COL4A5: variants seen among roughly 807,000 people sequenced by gnomAD.
COL4A5 encodes collagen alpha-5(IV) chain.
COL4A5 carries 26 observed loss-of-function variants against 130.2 expected under a neutral mutation model. The ratio of observed to expected loss-of-function variants is 0.20; its 90% CI spans 0.15 to 0.28. The LOEUF (loss-of-function observed/expected upper bound fraction) is 0.28. COL4A5 is among the 10% of genes least tolerant of loss of function. The probability of loss-of-function intolerance (pLI) is 1.00; values close to 1 mark genes in which losing one functional copy is unlikely to be tolerated. For synonymous variants in COL4A5, 496 were observed against 439.6 expected (o/e 1.13, Z -1.60); for missense variants, 1,131 against 1,344.3 (o/e 0.84, Z 2.48).
chrX:108,525,051 TTC>T (rs1298921333), intron 1 of COL4A5, among the ~76,000 whole-genome samples: 1 of 112,033 alleles, frequency 8.9e-6, no homozygotes, highest in East Asian at 2.8e-4. Flanking sequence ...CTTGTTGATC[TTC>T]TGTCTCTCAC....
intron 1 of COL4A5, among the ~76,000 whole-genome samples, chrX:108,478,660 C>T (rs2064859923): frequency 8.9e-6 from 1 of 111,861 alleles, no homozygotes; most frequent in South Asian, 3.8e-4. Context: ...ATTCCATGAC[C>T]ATGAGCCCAC....
In COL4A5 at chrX:108,680,972, G is replaced by A. The variant is rs1314507308; in HGVS notation, c.4087+16G>A. ...GGTCCTCCAGGTAAGACTTATTCCT[G>A]AAGATAGTTATACCTGATACTTAGA... On this transcript the variant is annotated intron_variant, in intron 46 of 52. Transcript: ENST00000328300. The A allele has an allele frequency of 1.7e-6, 2 of 1,169,709 alleles. No individual in the cohort carries two copies. The highest frequency in any genetic ancestry group is 1.8e-5 in the South Asian group (1 of 55,895).
intron 1 of COL4A5, among the ~76,000 whole-genome samples, chrX:108,453,079 G>A (rs185822372): frequency 6.3e-5 from 7 of 111,556 alleles, no homozygotes; most frequent in African/African-American, 2.3e-4. Flanking sequence ...ATCTATTGAG[G>A]TAATTATGTG....
chrX:108,557,916 G>A (rs111278299), intron 2 of COL4A5, among the ~76,000 whole-genome samples: 129 of 109,880 alleles, frequency 1.2e-3, no homozygotes, highest in African/African-American at 3.8e-3. Flanking sequence ...TGTCCTTCGG[G>A]GTTCTTTTAT....
At chrX:108,520,580 A>G (rs191558045) in intron 1 of COL4A5, among the ~76,000 whole-genome samples, 2 of 111,693 alleles carry the variant, frequency 1.8e-5, no homozygotes, top group Admixed American at 9.5e-5. Flanking sequence ...CAAACCTTTT[A>G]TCATTCTGAA....
In COL4A5 at chrX:108,591,260, C is replaced by A. The variant is rs776954729; in HGVS notation, c.1339+29C>A. On this transcript the variant is annotated intron_variant, in intron 20 of 52. Transcript: ENST00000328300. ...AGCTATATTTTTCTCCTATTAAGTTCTATTTTTGTTTTTGTTTATTTTGTT... is the reference window on the plus strand; with the variant it reads ...AGCTATATTTTTCTCCTATTAAGTTATATTTTTGTTTTTGTTTATTTTGTT... The A allele has an allele frequency of 1.1e-5, 13 of 1,181,585 alleles. No individual in the cohort carries two copies. In the African/African-American group the frequency reaches 1.8e-4, roughly 16 times the overall value.
intron 1 of COL4A5, among the ~76,000 whole-genome samples, chrX:108,537,028 T>C (rs2065467124): frequency 8.9e-6 from 1 of 111,829 alleles, no homozygotes; most frequent in Admixed American, 9.6e-5. Context: ...AAACCTAGAC[T>C]GGAAGTTCCT....
chrX:108,492,637 G>A (rs907069137), intron 1 of COL4A5, among the ~76,000 whole-genome samples: 7 of 111,565 alleles, frequency 6.3e-5, no homozygotes, highest in Non-Finnish European at 1.3e-4. Flanking sequence ...TGGACAAATC[G>A]AATATTGAGC....
intron 42 of COL4A5, 35 bp from the exon 43 acceptor site, chrX:108,674,710 G>C: frequency 8.4e-7 from 1 of 1,194,691 alleles, no homozygotes; most frequent in Non-Finnish European, 1.1e-6. Flanking sequence ...TGCTAACATC[G>C]ATCTTTGGGC....
At chrX:108,665,997 A>G (rs1327384286) in intron 38 of COL4A5, among the ~76,000 whole-genome samples, 1 of 110,426 alleles carries the variant, frequency 9.1e-6, no homozygotes, top group Non-Finnish European at 1.9e-5. Flanking sequence ...GGTTGCAGTG[A>G]GCCAAGATCG....
rs762022225 is a variant in COL4A5, at chrX:108,603,257, C to CAA, written c.2244+215_2244+216dup. Among the ~76,000 whole-genome samples the CAA allele has an allele frequency of 0.012, 514 of 43,204 alleles. 2 individuals carry two copies. The highest frequency in any genetic ancestry group is 0.028 in the African/African-American group (480 of 17,051). The allele number at this position is 43,204 out of a possible 115,157, so 37.5% of individuals were successfully genotyped here. A position where few individuals can be genotyped will look rare whatever the true frequency, so the allele number is the denominator to read the frequency against. On this transcript the variant is annotated intron_variant, in intron 28 of 52. Coordinates refer to ENST00000328300, the MANE Select transcript of COL4A5 (RefSeq NM_033380.3). ...TAATAGTCCAAGGTCACATTTGGAG[C>CAA]AAAAAAAAAAAAAAAAAAAACCTAA... is the stretch of plus-strand genomic sequence containing the variant.
At chrX:108,542,175 T>A (rs931428554) in intron 2 of COL4A5, among the ~76,000 whole-genome samples, 2 of 111,689 alleles carry the variant, frequency 1.8e-5, no homozygotes, top group African/African-American at 6.5e-5. Context: ...TTGTTACATA[T>A]GTATACATGT....
At chrX:108,469,273 G>T (rs759110927) in intron 1 of COL4A5, among the ~76,000 whole-genome samples, 1 of 103,539 alleles carries the variant, frequency 9.7e-6, no homozygotes, top group Admixed American at 1.1e-4. Flanking sequence ...CGAGTAGCTG[G>T]GACTACAGGC....
chrX:108,690,201 G>A (rs1346733086), intron 49 of COL4A5: 3 of 162,991 alleles, frequency 1.8e-5, no homozygotes, highest in Admixed American at 9.4e-5. Context: ...CTGGCTAATA[G>A]GTTAAATAAC....
chrX:108,492,546 T>A (rs893030062), intron 1 of COL4A5, among the ~76,000 whole-genome samples: 5 of 111,489 alleles, frequency 4.5e-5, no homozygotes, highest in Non-Finnish European at 9.4e-5. Flanking sequence ...AAGAAGAAAT[T>A]ACTATAATTC....
At chrX:108,529,994 CATCTAGACAGAAA>C (rs2065364612) in intron 1 of COL4A5, among the ~76,000 whole-genome samples, 1 of 111,210 alleles carries the variant, frequency 9.0e-6, no homozygotes, top group Admixed American at 9.5e-5. Flanking sequence ...TTAGACACAT[CATCTAGACAGAAA>C]ATCAACAAAG....
chrX:108,635,342 T>C (rs771558301), intron 36 of COL4A5, among the ~76,000 whole-genome samples: 2 of 111,930 alleles, frequency 1.8e-5, no homozygotes, highest in South Asian at 3.7e-4. Context: ...AAGCATTCTA[T>C]ACATAGTATT....
chrX:108,654,752 G>A (rs1219753030), intron 36 of COL4A5, among the ~76,000 whole-genome samples: 2 of 112,785 alleles, frequency 1.8e-5, no homozygotes, highest in Non-Finnish European at 3.7e-5. Context: ...GATTTTAGAT[G>A]CCCACTGAAG....
At chrX:108,568,958 A>C in intron 6 of COL4A5, 137 bp downstream of exon 6, 1 of 506,840 alleles carries the variant, frequency 2.0e-6, no homozygotes. Flanking sequence ...GTATGCTCTG[A>C]CTATAATTTT....
Sources: gnomAD v4.1 joint callset for allele counts (sites outside exome capture counted in the v4.1 genomes callset) on GRCh38, gnomAD v4.1.1 for gene constraint, MANE v1.5 for transcripts, NCBI Gene and HGNC (gene_info 2026-07-23, HGNC 2026-07-21) for gene names.